Variants in ACER3 observed in about 807,000 individuals in gnomAD.
The protein encoded by ACER3 is alkaline ceramidase 3.
In ACER3, 16 loss-of-function variants were observed where a neutral mutation model predicts 48.9. That is an observed-to-expected ratio of 0.33 (90% CI 0.22 to 0.50). The LOEUF is 0.50. ACER3 is among the 20% of genes least tolerant of loss of function. The pLI, the probability that ACER3 is intolerant of heterozygous loss-of-function variation, is 0.98. For missense variants in ACER3, 227 were observed against 326.0 expected (o/e 0.70, Z 2.34); for synonymous variants, 109 against 107.8 (o/e 1.01, Z -0.07).
intron 2 of ACER3, among the ~76,000 whole-genome samples, chr11:76,955,755 A>C (rs533072043): frequency 5.3e-5 from 8 of 152,282 alleles, no homozygotes; most frequent in African/African-American, 1.9e-4. Flanking sequence ...TGAACTGGGG[A>C]GTTGGGGAGG....
intron 3 of ACER3, among the ~76,000 whole-genome samples, chr11:76,961,164 C>T (rs1947985081): frequency 6.6e-6 from 1 of 152,078 alleles, no homozygotes; most frequent in Admixed American, 6.5e-5. Context: ...TAAATAAATA[C>T]ATTAAGGAGA....
At chr11:76,867,012 T>A (rs1945106562) in intron 1 of ACER3, among the ~76,000 whole-genome samples, 1 of 152,248 alleles carries the variant, frequency 6.6e-6, no homozygotes, top group Non-Finnish European at 1.5e-5. Flanking sequence ...TTCTACCTCT[T>A]GGCTATTGTG....
intron 7 of ACER3, among the ~76,000 whole-genome samples, chr11:77,000,248 C>T (rs782107930): frequency 3.9e-5 from 6 of 152,128 alleles, no homozygotes; most frequent in Non-Finnish European, 7.4e-5. Context: ...AATTTCTGCT[C>T]ATGTCTTTGC....
intron 5 of ACER3, among the ~76,000 whole-genome samples, chr11:76,987,167 G>A (rs1039256613): frequency 6.6e-6 from 1 of 152,248 alleles, no homozygotes; most frequent in Non-Finnish European, 1.5e-5. Context: ...CTCTGGTTAT[G>A]AGGCTGGATT....
At chr11:76,892,829 G>C (rs1440543844) in intron 1 of ACER3, among the ~76,000 whole-genome samples, 1 of 152,190 alleles carries the variant, frequency 6.6e-6, no homozygotes, top group Non-Finnish European at 1.5e-5. Flanking sequence ...TCACGAGAAA[G>C]AAAGGAATTA....
At chr11:76,956,977 T>C (rs907072759) in intron 2 of ACER3, among the ~76,000 whole-genome samples, 2 of 152,174 alleles carry the variant, frequency 1.3e-5, no homozygotes, top group African/African-American at 4.8e-5. Context: ...TCATACAAAT[T>C]ATTTAATGAC....
At chr11:76,865,393 C>G (rs1213332932) in intron 1 of ACER3, among the ~76,000 whole-genome samples, 3 of 152,070 alleles carry the variant, frequency 2.0e-5, no homozygotes, top group African/African-American at 7.2e-5. Context: ...TCCTTTAATG[C>G]AAAGTTTTTT....
rs1949485526 is a variant in ACER3, at chr11:77,022,398, G to A, written c.*2071G>A. 6.6e-6 allele frequency: 1 copy of A among 152,222 alleles called. No individual in the cohort carries two copies. Among genetic ancestry groups the A allele is most frequent in the African/African-American group, 2.4e-5 (1 of 41,458 alleles). 9.4% of individuals were successfully genotyped at this position (152,222 alleles called of 1,614,324 possible). ...AGTCATCTACACCCCAAGGTGAGCT[G>A]TAAGACTGGCCAATTCTTTGAAGAC... is the stretch of plus-strand genomic sequence containing the variant. On this transcript the variant is annotated 3_prime_UTR_variant, in exon 11 of 11. Coordinates refer to ENST00000532485, the MANE Select transcript of ACER3 (RefSeq NM_018367.7).
intron 7 of ACER3, among the ~76,000 whole-genome samples, chr11:77,011,528 G>C (rs192012902): frequency 6.6e-6 from 1 of 152,092 alleles, no homozygotes; most frequent in East Asian, 1.9e-4. Context: ...TCAAATGGGG[G>C]CTATGATAAA....
intron 1 of ACER3, among the ~76,000 whole-genome samples, chr11:76,885,695 C>T (rs574331191): frequency 1.3e-5 from 2 of 152,182 alleles, no homozygotes; most frequent in African/African-American, 2.4e-5. Context: ...TTGTATGGTA[C>T]GTGACCCTGG....
At chr11:76,927,246 G>C (rs1297408416) in intron 2 of ACER3, among the ~76,000 whole-genome samples, 1 of 152,162 alleles carries the variant, frequency 6.6e-6, no homozygotes, top group Non-Finnish European at 1.5e-5. Context: ...GTGAGGTGGA[G>C]GACTGTGTCT....
chr11:76,959,204 A>G, intron 3 of ACER3, 173 bp downstream of exon 3: 1 of 1,499,942 alleles, frequency 6.7e-7, no homozygotes, highest in Non-Finnish European at 8.9e-7. Flanking sequence ...TAAGCAGGTG[A>G]GTCCATAAGG....
intron 1 of ACER3, chr11:76,868,394 T>C: frequency 8.9e-6 from 1 of 112,268 alleles, no homozygotes. Flanking sequence ...TCTCTCTCTG[T>C]GTGTGTGTGT....
At chr11:77,003,887 C>G (rs73491456) in intron 7 of ACER3, among the ~76,000 whole-genome samples, 16,890 of 152,092 alleles carry the variant, frequency 0.11, 3,098 homozygotes, top group African/African-American at 0.38. Context: ...TGTTTGATTT[C>G]ATTGTGGTCA....
rs149282407 is a variant in ACER3 at position 77,023,386 on chromosome 11, C to A, written c.*3059C>A. Reference sequence around the variant, plus strand: ...CTTCAGGTACATAATGCATGAAAATCTTTAAATGCCTGCAAAAATTAAGTT... The same window carrying A: ...CTTCAGGTACATAATGCATGAAAATATTTAAATGCCTGCAAAAATTAAGTT... On this transcript the variant is annotated 3_prime_UTR_variant, in exon 11 of 11. Transcript: ENST00000532485. 525 of 377,180 alleles carry A rather than the reference C, an allele frequency of 1.4e-3. 1 individual carries two copies. Among genetic ancestry groups the A allele is most frequent in the Non-Finnish European group, 2.0e-3 (434 of 212,116 alleles). The allele number at this position is 377,180 out of a possible 1,614,324, so 23.4% of individuals were successfully genotyped here.
intron 1 of ACER3, among the ~76,000 whole-genome samples, chr11:76,922,449 T>C (rs1366728515): frequency 1.3e-5 from 2 of 152,102 alleles, no homozygotes; most frequent in African/African-American, 4.8e-5. Flanking sequence ...CTCCTACAGG[T>C]TTACTTAAAA....
At chr11:76,870,024 G>A (rs1271381523) in intron 1 of ACER3, among the ~76,000 whole-genome samples, 1 of 149,742 alleles carries the variant, frequency 6.7e-6, no homozygotes, top group East Asian at 2.0e-4. Context: ...ACCACACCTG[G>A]CTACTTTTTT....
At chr11:76,886,144 G>A (rs1395842646) in intron 1 of ACER3, among the ~76,000 whole-genome samples, 2 of 152,216 alleles carry the variant, frequency 1.3e-5, no homozygotes, top group Non-Finnish European at 2.9e-5. Context: ...TGAGTTGGTG[G>A]CATCTGGCAT....
chr11:76,938,771 C>T (rs1947261143), intron 2 of ACER3, among the ~76,000 whole-genome samples: 1 of 151,720 alleles, frequency 6.6e-6, no homozygotes, highest in African/African-American at 2.4e-5. Flanking sequence ...ATTTCAAATG[C>T]TCTATTGTCT....
Sources: allele counts gnomAD v4.1 joint callset (sites outside exome capture counted in the v4.1 genomes callset), GRCh38; gene constraint gnomAD v4.1.1; transcripts MANE v1.5; gene names NCBI Gene and HGNC (gene_info 2026-07-23, HGNC 2026-07-21).